Variants in FGF1 observed in about 807,000 individuals in gnomAD.
FGF1 encodes fibroblast growth factor 1, also known as beta-endothelial cell growth factor.
A neutral mutation model predicts 13.4 loss-of-function variants in FGF1; 9 were observed. The ratio of observed to expected loss-of-function variants is 0.67; its 90% CI spans 0.40 to 1.17. The LOEUF (loss-of-function observed/expected upper bound fraction) is 1.17, where lower values mean the gene tolerates loss of function less well. FGF1 is among the 50% of genes most tolerant of loss of function. The probability of loss-of-function intolerance (pLI) is 0.01; values close to 1 mark genes in which losing one functional copy is unlikely to be tolerated. For missense variants in FGF1, 156 were observed against 192.7 expected, an observed-to-expected ratio of 0.81 and a Z score of 1.13; for synonymous variants, 93 against 79.0, an observed-to-expected ratio of 1.18 and a Z score of -0.94.
At chr5:142,671,405 C>A (rs1324039703) in intron 1 of FGF1, among the ~76,000 whole-genome samples, 1 of 152,164 alleles carries the variant, frequency 6.6e-6, no homozygotes, top group Non-Finnish European at 1.5e-5. Context: ...ATTTCTTTTT[C>A]TTTTGCCTGC....
intron 1 of FGF1, among the ~76,000 whole-genome samples, chr5:142,625,844 G>A (rs1212492225): frequency 3.3e-5 from 5 of 152,168 alleles, no homozygotes; most frequent in African/African-American, 4.8e-5. Flanking sequence ...TTCCTTTCTC[G>A]AAATCAGCCA....
chr5:142,638,443 C>A (rs1341253200), intron 1 of FGF1, among the ~76,000 whole-genome samples: 1 of 152,058 alleles, frequency 6.6e-6, no homozygotes, highest in East Asian at 1.9e-4. Context: ...CCCTATCTTG[C>A]TCAGCTTTTT....
At chr5:142,663,178 G>A (rs141265146) in intron 1 of FGF1, among the ~76,000 whole-genome samples, 1 of 151,480 alleles carries the variant, frequency 6.6e-6, no homozygotes, top group Non-Finnish European at 1.5e-5. Context: ...GTTAGGCTGA[G>A]TTGAGACAGC....
At chr5:142,693,999 C>T (rs1479737880) in intron 2 of FGF1, among the ~76,000 whole-genome samples, 1 of 151,476 alleles carries the variant, frequency 6.6e-6, no homozygotes, top group African/African-American at 2.4e-5. Context: ...TTTGTGTGAA[C>T]ATGTGTTCAT....
chr5:142,657,472 C>T (rs576098513), intron 1 of FGF1, among the ~76,000 whole-genome samples: 2 of 152,374 alleles, frequency 1.3e-5, no homozygotes, highest in African/African-American at 2.4e-5. Flanking sequence ...CCCACCCCTC[C>T]ACCAAAACAA....
chr5:142,671,169 C>T (rs760017860), intron 1 of FGF1, among the ~76,000 whole-genome samples: 10 of 152,196 alleles, frequency 6.6e-5, no homozygotes, highest in East Asian at 1.9e-4. Context: ...TTTTATTCCT[C>T]AATAGCTTGC....
chr5:142,595,480 G>A lies in FGF1; in HGVS notation c.278C>T (p.Thr93Ile). ...DTDGLLYGSQ[T>I]PNEECLFLER... is the part of the protein sequence containing the mutation. Reference sequence around the variant, plus strand: ...CAGGAACAAACATTCCTCATTTGGTGTCTGCTAAAAAGATAAAACCAAAAG... The same window carrying A: ...CAGGAACAAACATTCCTCATTTGGTATCTGCTAAAAAGATAAAACCAAAAG... The change falls in exon 4 of 4, where the codon ACA becomes ATA. Residue 93 changes from threonine to isoleucine, a missense_variant. Thr to Ile is a moderately conservative substitution (Grantham distance 89). Transcript: ENST00000337706. 3.1e-6 allele frequency: 5 copies of A among 1,612,890 alleles called. No homozygotes were observed. Among genetic ancestry groups the A allele is most frequent in the Non-Finnish European group, 4.2e-6 (5 of 1,179,396 alleles).
chr5:142,629,033 C>T (rs1275351590), intron 1 of FGF1, among the ~76,000 whole-genome samples: 1 of 152,108 alleles, frequency 6.6e-6, no homozygotes, highest in Non-Finnish European at 1.5e-5. Context: ...TAGTGTTTCA[C>T]GATATTGTAC....
At chr5:142,695,999 G>A (rs1264730124) in intron 2 of FGF1, among the ~76,000 whole-genome samples, 1 of 152,130 alleles carries the variant, frequency 6.6e-6, no homozygotes, top group Non-Finnish European at 1.5e-5. Flanking sequence ...AGACAGAACT[G>A]GGCAAGGGTG....
chr5:142,616,060 T>A (rs12654718), intron 1 of FGF1, among the ~76,000 whole-genome samples: 1 of 152,214 alleles, frequency 6.6e-6, no homozygotes, highest in Non-Finnish European at 1.5e-5. Flanking sequence ...GTGAGCATCA[T>A]GGAAGACCAG....
chr5:142,672,295 C>T (rs28573977), intron 1 of FGF1, among the ~76,000 whole-genome samples: 48,503 of 151,794 alleles, frequency 0.32, 8,245 homozygotes, highest in African/African-American at 0.44. Flanking sequence ...ATTACTTTAG[C>T]TATTCAAAAA....
chr5:142,649,174 A>C (rs537309975), intron 1 of FGF1, among the ~76,000 whole-genome samples: 6 of 152,278 alleles, frequency 3.9e-5, no homozygotes, highest in Admixed American at 3.9e-4. Flanking sequence ...TCCCTTTTTC[A>C]TAACATTTCT....
At chr5:142,662,991 A>AT (rs1008468771) in intron 1 of FGF1, among the ~76,000 whole-genome samples, 1 of 151,984 alleles carries the variant, frequency 6.6e-6, no homozygotes, top group South Asian at 2.1e-4. Flanking sequence ...GCCCAGATAC[A>AT]TTTTTTTGTA....
chr5:142,668,058 G>A (rs1017638531), intron 1 of FGF1, among the ~76,000 whole-genome samples: 4 of 152,188 alleles, frequency 2.6e-5, no homozygotes, highest in African/African-American at 9.6e-5. Context: ...TGGGCTCCAC[G>A]CCACTCCCTT....
intron 1 of FGF1, among the ~76,000 whole-genome samples, chr5:142,682,896 C>A (rs928195160): frequency 1.3e-5 from 2 of 152,076 alleles, no homozygotes; most frequent in Non-Finnish European, 2.9e-5. Context: ...CCTTGGACTC[C>A]TTTGCTTATC....
At chr5:142,602,338 G>A (rs746292883) in intron 2 of FGF1, among the ~76,000 whole-genome samples, 13 of 152,036 alleles carry the variant, frequency 8.6e-5, no homozygotes, top group South Asian at 6.2e-4. Flanking sequence ...CACCATGCCC[G>A]GCTAATTTTG....
At chr5:142,668,014 T>C (rs868501466) in intron 1 of FGF1, among the ~76,000 whole-genome samples, 12 of 152,320 alleles carry the variant, frequency 7.9e-5, no homozygotes, top group Middle Eastern at 3.4e-3. Flanking sequence ...CAGACCTGTC[T>C]GGAGCTGAGC....
At chr5:142,600,224 T>G (rs577154390) in intron 3 of FGF1, among the ~76,000 whole-genome samples, 64 of 152,224 alleles carry the variant, frequency 4.2e-4, no homozygotes, top group African/African-American at 1.5e-3. Context: ...TAGCTGGGCA[T>G]GGTGGTATTC....
intron 1 of FGF1, among the ~76,000 whole-genome samples, chr5:142,622,223 C>T (rs1252283290): frequency 6.6e-6 from 1 of 152,216 alleles, no homozygotes; most frequent in African/African-American, 2.4e-5. Context: ...TCACTGACTC[C>T]TTCATTAGTC....
Sources: gnomAD v4.1 joint callset for allele counts (sites outside exome capture counted in the v4.1 genomes callset) on GRCh38, gnomAD v4.1.1 for gene constraint, MANE v1.5 for transcripts, NCBI Gene and HGNC (gene_info 2026-07-23, HGNC 2026-07-21) for gene names.